The following CCDC3 variants were observed in gnomAD, a reference collection of about 807,000 sequenced individuals.
CCDC3 encodes the protein coiled-coil domain containing 3.
Under a neutral mutation model 21.4 loss-of-function variants are expected in CCDC3, and 24 were observed. The observed-to-expected ratio is 1.12, with a 90% CI of 0.81 to 1.58. The LOEUF (loss-of-function observed/expected upper bound fraction) is 1.58, where lower values mean the gene tolerates loss of function less well. Ranked by LOEUF, CCDC3 falls within the 40% of genes most tolerant of loss-of-function variation. CCDC3 has a pLI of 0.00. For synonymous variants in CCDC3, 186 were observed against 166.0 expected (o/e 1.12, Z -0.93); for missense variants, 425 against 360.9 (o/e 1.18, Z -1.44).
At chr10:12,903,615 C>A (rs533766732) in intron 2 of CCDC3, among the ~76,000 whole-genome samples, 2 of 152,338 alleles carry the variant, frequency 1.3e-5, no homozygotes, top group African/African-American at 4.8e-5. Flanking sequence ...CCCGCTCAGG[C>A]CTGCAGCACT....
At chr10:12,911,706 A>G (rs1307747226) in intron 2 of CCDC3, among the ~76,000 whole-genome samples, 3 of 152,230 alleles carry the variant, frequency 2.0e-5, no homozygotes, top group Admixed American at 1.3e-4. Flanking sequence ...ATGTTCAAAC[A>G]TACATTGTAT....
chr10:12,913,353 GGATT>G (rs1834299266), intron 2 of CCDC3, among the ~76,000 whole-genome samples: 1 of 152,160 alleles, frequency 6.6e-6, no homozygotes, highest in Admixed American at 6.5e-5. Context: ...ATTGTAAATA[GGATT>G]GTTTTATTGA....
intron 2 of CCDC3, among the ~76,000 whole-genome samples, chr10:12,982,121 CAAAAAAAAAAAAAAAAA>C (rs71386135): frequency 3.8e-3 from 125 of 33,268 alleles, no homozygotes; most frequent in African/African-American, 0.016. Context: ...GACTCTGTCT[CAAAAAAAAAAAAAAAAA>C]AAAAAAAAAA....
intron 2 of CCDC3, among the ~76,000 whole-genome samples, chr10:12,982,851 G>A (rs1463546795): frequency 3.0e-5 from 4 of 135,054 alleles, no homozygotes; most frequent in Non-Finnish European, 4.7e-5. Flanking sequence ...AATGGCTCAC[G>A]CCTTTAATAA....
chr10:13,070,465 C>T (rs1272910350), intron 4 of CCDC3, among the ~76,000 whole-genome samples: 2 of 152,184 alleles, frequency 1.3e-5, no homozygotes, highest in Admixed American at 1.3e-4. Flanking sequence ...TCAAGCTTGA[C>T]TTGCAGAGTC....
At chr10:13,059,450 G>A (rs34472855) in intron 4 of CCDC3, among the ~76,000 whole-genome samples, 21,720 of 152,162 alleles carry the variant, frequency 0.14, 1,811 homozygotes, top group Middle Eastern at 0.27. Context: ...TAATTAAAAC[G>A]GGATGGGAGG....
intron 2 of CCDC3, among the ~76,000 whole-genome samples, chr10:12,952,854 C>T (rs1040215787): frequency 6.6e-6 from 1 of 152,182 alleles, no homozygotes; most frequent in Admixed American, 6.5e-5. Flanking sequence ...TACCACTGTA[C>T]CATGTGCACA....
Position 13,040,231 on chromosome 10 carries a change from TG to T in CCDC3, c.-2+9442del, listed in dbSNP as rs574444923. On this transcript the variant is annotated intron_variant, in intron 5 of 6. Transcript: ENST00000378839. Reference sequence around the variant, plus strand: ...TTTTTCACGATACCCAGATTGTGCTTGGGAAAGACCCCACTGTGTCAACCCA... The same window carrying T: ...TTTTTCACGATACCCAGATTGTGCTTGGAAAGACCCCACTGTGTCAACCCA... Among the ~76,000 whole-genome samples, 312 of 152,222 alleles carry T rather than the reference TG, an allele frequency of 2.0e-3. 3 individuals carry two copies. The highest frequency in any genetic ancestry group is 7.1e-3 in the African/African-American group (296 of 41,546).
intron 3 of CCDC3, among the ~76,000 whole-genome samples, chr10:13,090,283 G>T (rs375487836): frequency 1.3e-4 from 20 of 151,860 alleles, no homozygotes; most frequent in African/African-American, 3.4e-4. Context: ...GAGAGACAAG[G>T]TTTCACCATG....
intron 2 of CCDC3, among the ~76,000 whole-genome samples, chr10:12,994,354 C>T (rs1397824547): frequency 5.3e-5 from 8 of 150,504 alleles, no homozygotes; most frequent in African/African-American, 2.0e-4. Context: ...GCCGAGATTG[C>T]ATCACTGCAC....
intron 5 of CCDC3, among the ~76,000 whole-genome samples, chr10:13,012,154 G>A (rs4750297): frequency 1.3e-5 from 2 of 152,052 alleles, no homozygotes; most frequent in African/African-American, 2.4e-5. Flanking sequence ...ATTTCATGAC[G>A]AACATGCCAA....
chr10:12,904,388 G>C (rs926619632), intron 2 of CCDC3, among the ~76,000 whole-genome samples: 1 of 148,316 alleles, frequency 6.7e-6, no homozygotes, highest in Non-Finnish European at 1.5e-5. Flanking sequence ...AGGATCACTT[G>C]AGCCTGGGAG....
At chr10:12,956,826 T>C (rs1361554737) in intron 2 of CCDC3, among the ~76,000 whole-genome samples, 1 of 152,106 alleles carries the variant, frequency 6.6e-6, no homozygotes, top group Non-Finnish European at 1.5e-5. Context: ...CCTAGCAGCC[T>C]CAGGTCATGT....
At chr10:13,009,349 C>T (rs142681108) in intron 5 of CCDC3, among the ~76,000 whole-genome samples, 30 of 152,210 alleles carry the variant, frequency 2.0e-4, no homozygotes, top group African/African-American at 6.7e-4. Context: ...TCTAGCCAAA[C>T]TGATTTACAA....
intron 5 of CCDC3, among the ~76,000 whole-genome samples, chr10:13,016,506 G>A (rs1369151111): frequency 2.6e-5 from 4 of 151,962 alleles, no homozygotes; most frequent in South Asian, 4.2e-4. Flanking sequence ...AATGTACAAC[G>A]TAAATGTTAA....
intron 5 of CCDC3, among the ~76,000 whole-genome samples, chr10:13,042,401 G>A (rs142356309): frequency 0.01 from 1,591 of 152,344 alleles, 16 homozygotes; most frequent in South Asian, 0.017. Flanking sequence ...GCGGGAGACC[G>A]CCACAGGACA....
At chr10:12,942,825 G>C (rs1208578817) in intron 2 of CCDC3, among the ~76,000 whole-genome samples, 2 of 152,132 alleles carry the variant, frequency 1.3e-5, no homozygotes, top group Admixed American at 6.5e-5. Context: ...CTCCAAAGGA[G>C]AGAGAGCTTT....
chr10:12,991,889 G>A (rs1290195360), intron 2 of CCDC3, among the ~76,000 whole-genome samples: 2 of 152,056 alleles, frequency 1.3e-5, no homozygotes. Flanking sequence ...TCCTTATTAT[G>A]GACAAAGGCC....
chr10:12,970,059 GT>G lies in CCDC3; in HGVS notation c.549+28278del, dbSNP rs200534239. ...TAGCTTCTTGATGTATTTTGGTAGT[GT>G]TTTTTCTAATGTATGGGTTTTTAGG... is the stretch of plus-strand genomic sequence containing the variant. On this transcript the variant is annotated intron_variant, in intron 2 of 2. Coordinates refer to ENST00000378825, the MANE Select transcript of CCDC3 (RefSeq NM_031455.4). Among the ~76,000 whole-genome samples, 13 of 152,230 alleles carry G rather than the reference GT, an allele frequency of 8.5e-5. No individual in the cohort carries two copies. In the East Asian group the frequency reaches 2.3e-3, roughly 27 times the overall value.
Sources: allele counts gnomAD v4.1 joint callset (sites outside exome capture counted in the v4.1 genomes callset), GRCh38; gene constraint gnomAD v4.1.1; transcripts MANE v1.5; gene names NCBI Gene and HGNC (gene_info 2026-07-23, HGNC 2026-07-21).